The following TSC22D1 variants were observed in gnomAD, a reference collection of about 807,000 sequenced individuals.
The protein encoded by TSC22D1 is TSC22 domain family protein 1.
TSC22D1 carries 9 observed loss-of-function variants against 74.2 expected under a neutral mutation model. That is an observed-to-expected ratio of 0.12 (90% CI 0.07 to 0.21). TSC22D1 has a LOEUF of 0.21. Among genes scored for constraint, TSC22D1 ranks in the 10% least tolerant of loss-of-function variants. The pLI is 1.00. For missense variants in TSC22D1, 1,427 were observed against 1,304.7 expected (o/e 1.09, Z -1.44); for synonymous variants, 586 against 492.5 (o/e 1.19, Z -2.51).
At chr13:44,522,207 A>T (rs1276421491) in intron 1 of TSC22D1, among the ~76,000 whole-genome samples, 1 of 152,198 alleles carries the variant, frequency 6.6e-6, no homozygotes, top group East Asian at 1.9e-4. Context: ...GGTAGTAGAC[A>T]GTAACACATT....
At chr13:44,570,427 A>C (rs980377765) in intron 1 of TSC22D1, among the ~76,000 whole-genome samples, 23 of 152,068 alleles carry the variant, frequency 1.5e-4, no homozygotes, top group African/African-American at 5.3e-4. Flanking sequence ...TCTGGGCTCA[A>C]GCAATCTGCC....
At chr13:44,529,774 A>T (rs1434972473) in intron 1 of TSC22D1, among the ~76,000 whole-genome samples, 1 of 152,164 alleles carries the variant, frequency 6.6e-6, no homozygotes, top group Non-Finnish European at 1.5e-5. Flanking sequence ...GCTTTCCCAT[A>T]CACCAGCAAT....
Position 44,573,030 on chromosome 13 carries a change from C to G in TSC22D1, c.2912+133G>C, listed in dbSNP as rs1002098688. 7 of 1,308,702 alleles carry G rather than the reference C, an allele frequency of 5.3e-6. No homozygotes were observed. In the African/African-American group the frequency reaches 1.0e-4, roughly 19 times the overall value. The allele number at this position is 1,308,702 out of a possible 1,614,324, so 81.1% of individuals were successfully genotyped here. A position where few individuals can be genotyped will look rare whatever the true frequency, so the allele number is the denominator to read the frequency against. ...CCATAACTCTTGCTCTATAAAACTT[C>G]CCATAAAAATGCATTTTTCACATAC... On this transcript the variant is annotated intron_variant, in intron 1 of 2. Transcript: ENST00000458659.
At position 44,434,894 on chromosome 13, in the gene TSC22D1, G is replaced by A; in HGVS notation, c.2965-11C>T. ...GCTTTTCACTAGATCCTGGAAAGAA[G>A]ACAGAAAAGGTTTAACTCATTATTT... is the stretch of plus-strand genomic sequence containing the variant. On this transcript the variant is annotated splice_polypyrimidine_tract_variant and intron_variant, in intron 2 of 2. Transcript: ENST00000458659. 2.5e-6 allele frequency: 4 copies of A among 1,604,730 alleles called. No homozygotes were observed. In the Admixed American group the frequency reaches 5.1e-5, roughly 20 times the overall value.
chr13:44,443,443 G>A (rs1461281684), intron 1 of TSC22D1, among the ~76,000 whole-genome samples: 1 of 152,100 alleles, frequency 6.6e-6, no homozygotes, highest in Non-Finnish European at 1.5e-5. Flanking sequence ...CAGACAGAAG[G>A]AAAATGATAC....
At chr13:44,493,063 AAC>A (rs1158440997) in intron 1 of TSC22D1, among the ~76,000 whole-genome samples, 3 of 152,186 alleles carry the variant, frequency 2.0e-5, no homozygotes, top group Admixed American at 6.5e-5. Context: ...CCTCCAGAAA[AAC>A]ACACAAACAA....
intron 1 of TSC22D1, among the ~76,000 whole-genome samples, chr13:44,513,783 T>A (rs929164021): frequency 2.5e-4 from 38 of 152,230 alleles, no homozygotes; most frequent in African/African-American, 8.2e-4. Context: ...TTTTCTCTTC[T>A]AACTTCTTTT....
chr13:44,546,274 T>G (rs2065837), intron 1 of TSC22D1, among the ~76,000 whole-genome samples: 2 of 152,176 alleles, frequency 1.3e-5, no homozygotes, highest in Non-Finnish European at 2.9e-5. Flanking sequence ...TCCCAAGACA[T>G]GTGTTAATTA....
chr13:44,496,965 G>C (rs1055253535), intron 1 of TSC22D1, among the ~76,000 whole-genome samples: 6 of 152,144 alleles, frequency 3.9e-5, no homozygotes, highest in African/African-American at 1.4e-4. Context: ...ACAATGGTGA[G>C]AGTGTAAAGT....
chr13:44,523,826 C>A (rs969308436), intron 1 of TSC22D1, among the ~76,000 whole-genome samples: 1 of 151,888 alleles, frequency 6.6e-6, no homozygotes, highest in African/African-American at 2.4e-5. Context: ...GTGGAAAGAC[C>A]CAAGGTGGCT....
At chr13:44,491,457 G>A (rs1878715591) in intron 1 of TSC22D1, among the ~76,000 whole-genome samples, 1 of 151,248 alleles carries the variant, frequency 6.6e-6, no homozygotes, top group Admixed American at 6.6e-5. Context: ...GGGAAGCTGA[G>A]GCAGGAGAAC....
intron 1 of TSC22D1, among the ~76,000 whole-genome samples, chr13:44,484,702 G>A (rs1878345367): frequency 6.6e-6 from 1 of 152,150 alleles, no homozygotes; most frequent in Non-Finnish European, 1.5e-5. Context: ...CAGAATAATA[G>A]TACATATGCA....
chr13:44,561,896 C>T (rs1317235305), intron 1 of TSC22D1, among the ~76,000 whole-genome samples: 3 of 152,104 alleles, frequency 2.0e-5, no homozygotes, highest in African/African-American at 4.8e-5. Context: ...TACAAACACA[C>T]GTTTATTCTT....
chr13:44,535,466 T>TA (rs1443939719), intron 1 of TSC22D1, among the ~76,000 whole-genome samples: 3 of 151,904 alleles, frequency 2.0e-5, no homozygotes, highest in Admixed American at 6.6e-5. Flanking sequence ...AAAAATAAAG[T>TA]AAAAAAATTG....
intron 1 of TSC22D1, among the ~76,000 whole-genome samples, chr13:44,514,986 C>A (rs898867420): frequency 2.0e-5 from 3 of 152,180 alleles, no homozygotes; most frequent in African/African-American, 4.8e-5. Context: ...ATGGCATACT[C>A]TAATGATAAG....
chr13:44,466,983 C>G (rs9525959), intron 1 of TSC22D1, among the ~76,000 whole-genome samples: 1 of 151,732 alleles, frequency 6.6e-6, no homozygotes, highest in African/African-American at 2.4e-5. Flanking sequence ...GCCAACAAAG[C>G]GAAACCCCAT....
intron 1 of TSC22D1, among the ~76,000 whole-genome samples, chr13:44,506,413 A>T (rs550066313): frequency 6.6e-6 from 1 of 152,184 alleles, no homozygotes; most frequent in Non-Finnish European, 1.5e-5. Flanking sequence ...GTTCTCGCTT[A>T]TAAGTGGGAG....
Position 44,575,546 on chromosome 13 carries a change from G to A in TSC22D1, c.529C>T (p.Leu177=), listed in dbSNP as rs778987341. The A allele has an allele frequency of 6.2e-6, 10 of 1,614,098 alleles. No homozygotes were observed. The highest frequency in any genetic ancestry group is 4.4e-5 in the South Asian group (4 of 91,070). ...EPERSSSEET[L]NNFQEAETPG... ...GTCTCGGCTTCCTGGAAGTTATTTA[G>A]GGTCTCTTCTGAGGAGCTGCGTTCG... Residue 177 remains leucine (L), a synonymous_variant, in exon 1 of 3, where the codon CTA becomes TTA. Transcript: ENST00000458659.
Position 44,433,995 on chromosome 13 carries a change from A to C in TSC22D1, c.*631T>G, listed in dbSNP as rs190374603. 1,757 of 1,534,530 alleles carry C rather than the reference A, an allele frequency of 1.1e-3. 13 individuals are homozygous for C. Among genetic ancestry groups the C allele is most frequent in the Non-Finnish European group, 6.9e-4 (790 of 1,146,586 alleles). On this transcript the variant is annotated 3_prime_UTR_variant, in exon 3 of 3. Transcript: ENST00000458659. The stretch of plus-strand genomic sequence containing the variant: ...TACACAAATATACAATAAGCAAAAC[A>C]ACCTTCATGGTAAGATAGCCTAGGT...
Sources: allele counts gnomAD v4.1 joint callset (sites outside exome capture counted in the v4.1 genomes callset), GRCh38; gene constraint gnomAD v4.1.1; transcripts MANE v1.5; gene names NCBI Gene and HGNC (gene_info 2026-07-23, HGNC 2026-07-21).